Variants in GPR35 observed in about 807,000 individuals in gnomAD.
GPR35 encodes the protein G protein-coupled receptor 35.
For missense variants in GPR35, 372 were observed against 422.5 expected, an observed-to-expected ratio of 0.88 and a Z score of 1.05; for synonymous variants, 207 against 198.4, an observed-to-expected ratio of 1.04 and a Z score of -0.36.
At chr2:240,614,870 GTATC>G in intron 2 of GPR35, among the ~76,000 whole-genome samples, 1 of 150,944 alleles carries the variant, frequency 6.6e-6, no homozygotes, top group South Asian at 2.1e-4. Flanking sequence ...TGTATATGTA[GTATC>G]TATATATATG....
intron 2 of GPR35, among the ~76,000 whole-genome samples, chr2:240,610,429 A>G (rs10933620): frequency 0.56 from 84,481 of 151,942 alleles, 24,041 homozygotes; most frequent in East Asian, 0.66. Flanking sequence ...TTTAAAGTAT[A>G]TATCATATCA....
At chr2:240,611,392 C>T (rs1041484392) in intron 2 of GPR35, among the ~76,000 whole-genome samples, 2 of 152,210 alleles carry the variant, frequency 1.3e-5, no homozygotes, top group African/African-American at 2.4e-5. Flanking sequence ...TCTTTGTACT[C>T]ATTTTCCCTC....
intron 2 of GPR35, among the ~76,000 whole-genome samples, chr2:240,615,071 G>A (rs554791362): frequency 1.3e-5 from 2 of 152,180 alleles, no homozygotes; most frequent in South Asian, 2.1e-4. Context: ...ATATGTGCAT[G>A]TGTGTATGTT....
chr2:240,625,841 G>A (rs1347117030), intron 1 of GPR35, among the ~76,000 whole-genome samples: 4 of 124,822 alleles, frequency 3.2e-5, no homozygotes, highest in Non-Finnish European at 3.5e-5. Context: ...GTCTCAGAGT[G>A]GGGTGAGGCT....
intron 3 of GPR35, chr2:240,616,577 C>T: frequency 5.4e-6 from 4 of 741,636 alleles, no homozygotes; most frequent in Non-Finnish European, 1.0e-5. Context: ...CCAGGGGGCT[C>T]ATGATATCTG....
At chr2:240,620,654 GCTGTGGGGACCCC>G (rs1407588050), upstream of GPR35, among the ~76,000 whole-genome samples, 1 of 152,068 alleles carries the variant, frequency 6.6e-6, no homozygotes, top group Non-Finnish European at 1.5e-5. Flanking sequence ...CTGCACTTGG[GCTGTGGGGACCCC>G]CTGTGGGGAT....
Position 240,632,382 on chromosome 2 carries a change from T to C in GPR35, c.*1500T>C, listed in dbSNP as rs2043459898. On this transcript the variant is annotated 3_prime_UTR_variant, in exon 2 of 2. Coordinates refer to ENST00000407714, the MANE Select transcript of GPR35 (RefSeq NM_005301.5). ...GAGGCTCCATGCCCAGGAGGCTCCA[T>C]GTCAAGAAAGATTCATGCCTAGGAG... Among the ~76,000 whole-genome samples, 1 of 151,662 alleles carries C rather than the reference T, an allele frequency of 6.6e-6. No individual in the cohort carries two copies. Among genetic ancestry groups the C allele is most frequent in the Non-Finnish European group, 1.5e-5 (1 of 67,914 alleles).
At chr2:240,621,241 T>TTC (rs2043289894), upstream of GPR35, among the ~76,000 whole-genome samples, 1 of 148,650 alleles carries the variant, frequency 6.7e-6, no homozygotes, top group Non-Finnish European at 1.5e-5. Flanking sequence ...AATGTGTTGT[T>TTC]TTATTTCTTA....
At position 240,632,368 on chromosome 2, in the gene GPR35, C is replaced by T. The variant is rs2043459582; in HGVS notation, c.*1486C>T. Among the ~76,000 whole-genome samples, 1 of 151,780 alleles carries T rather than the reference C, an allele frequency of 6.6e-6. No individual in the cohort carries two copies. The highest frequency in any genetic ancestry group is 2.1e-4 in the South Asian group (1 of 4,806). ...GTGTCCCTGTCCAGGAGGCTCCATG[C>T]CCAGGAGGCTCCATGTCAAGAAAGA... On this transcript the variant is annotated 3_prime_UTR_variant, in exon 2 of 2. Coordinates refer to ENST00000407714, the MANE Select transcript of GPR35 (RefSeq NM_005301.5).
chr2:240,611,443 A>G (rs1054082999), intron 2 of GPR35, among the ~76,000 whole-genome samples: 8 of 151,944 alleles, frequency 5.3e-5, no homozygotes, highest in African/African-American at 1.9e-4. Context: ...ACTATTTTGT[A>G]TTTCACTTAT....
At chr2:240,621,488 C>CAA (rs570625743), upstream of GPR35, among the ~76,000 whole-genome samples, 109 of 152,244 alleles carry the variant, frequency 7.2e-4, no homozygotes, top group African/African-American at 2.5e-3. Context: ...CTCCTGACCT[C>CAA]GTGATCCCCC....
chr2:240,616,636 G>A (rs1309159617), intron 3 of GPR35: 2 of 673,506 alleles, frequency 3.0e-6, no homozygotes, highest in Non-Finnish European at 5.4e-6. Flanking sequence ...GAATGTGGCA[G>A]GAAGCTGCCA....
rs976678707 is a variant in GPR35 at position 240,632,289 on chromosome 2, C to T, written c.*1407C>T. Among the ~76,000 whole-genome samples, 6 of 145,204 alleles carry T rather than the reference C, an allele frequency of 4.1e-5. No individual in the cohort carries two copies. The highest frequency in any genetic ancestry group is 4.3e-4 in the East Asian group (2 of 4,692). Reference sequence around the variant, plus strand: ...TTTATGCCCTGGAGGGCCCCATGCCCGGGAGAGTCACGTGCACAGAGGGCC... The same window carrying T: ...TTTATGCCCTGGAGGGCCCCATGCCTGGGAGAGTCACGTGCACAGAGGGCC... On this transcript the variant is annotated 3_prime_UTR_variant, in exon 2 of 2. Coordinates refer to ENST00000407714, the MANE Select transcript of GPR35 (RefSeq NM_005301.5).
chr2:240,607,329 C>T (rs1215844108), intron 2 of GPR35: 1 of 151,922 alleles, frequency 6.6e-6, no homozygotes, highest in Admixed American at 6.6e-5. Context: ...ACTACAAGCA[C>T]AGATCACCAC....
intron 2 of GPR35, among the ~76,000 whole-genome samples, chr2:240,607,768 C>T (rs1290366903): frequency 6.6e-6 from 1 of 151,760 alleles, no homozygotes; most frequent in Non-Finnish European, 1.5e-5. Flanking sequence ...TTTTCTTTTT[C>T]TCCCGACTCC....
chr2:240,621,929 G>A (rs1450899840), upstream of GPR35, among the ~76,000 whole-genome samples: 8 of 152,204 alleles, frequency 5.3e-5, no homozygotes, highest in Non-Finnish European at 1.2e-4. Context: ...CTGGAGTGCA[G>A]TAGCACGATC....
At chr2:240,619,347 TCTC>T (rs2043268761) in intron 5 of GPR35, among the ~76,000 whole-genome samples, 1 of 152,222 alleles carries the variant, frequency 6.6e-6, no homozygotes, top group Admixed American at 6.5e-5. Context: ...GCAATTTACA[TCTC>T]CTCTGTGAGC....
upstream of GPR35, among the ~76,000 whole-genome samples, chr2:240,621,499 T>C (rs542972233): frequency 7.3e-4 from 111 of 152,264 alleles, 1 homozygote; most frequent in African/African-American, 2.6e-3. Flanking sequence ...GTGATCCCCC[T>C]GCCTCGGCCT....
intron 1 of GPR35, among the ~76,000 whole-genome samples, chr2:240,605,731 C>A (rs538885064): frequency 6.6e-6 from 1 of 152,228 alleles, no homozygotes; most frequent in African/African-American, 2.4e-5. Context: ...GCGCCTTGCT[C>A]GCTGTCCCTT....
Sources: allele counts gnomAD v4.1 joint callset (sites outside exome capture counted in the v4.1 genomes callset), GRCh38; gene constraint gnomAD v4.1.1; transcripts MANE v1.5; gene names NCBI Gene and HGNC (gene_info 2026-07-23, HGNC 2026-07-21).